The following AGPS variants were observed in gnomAD, a reference collection of about 807,000 sequenced individuals.
The protein encoded by AGPS is alkylglycerone phosphate synthase.
A neutral mutation model predicts 90.7 loss-of-function variants in AGPS; 26 were observed. The ratio of observed to expected loss-of-function variants is 0.29; its 90% CI spans 0.21 to 0.40. AGPS has a LOEUF of 0.40. AGPS is among the 10% of genes least tolerant of loss of function. The pLI, the probability that AGPS is intolerant of heterozygous loss-of-function variation, is 1.00. For missense variants in AGPS, 540 were observed against 816.1 expected (o/e 0.66, Z 4.12); for synonymous variants, 294 against 285.3 (o/e 1.03, Z -0.31).
intron 19 of AGPS, among the ~76,000 whole-genome samples, chr2:177,530,667 A>T (rs1033233060): frequency 1.3e-5 from 2 of 152,178 alleles, no homozygotes; most frequent in African/African-American, 4.8e-5. Context: ...GTGATTAATA[A>T]CAGTTGCTTT....
intron 19 of AGPS, among the ~76,000 whole-genome samples, chr2:177,526,439 A>G (rs556554355): frequency 6.6e-6 from 1 of 152,278 alleles, no homozygotes; most frequent in East Asian, 1.9e-4. Context: ...CATGTTGGCC[A>G]GGCTGGTCTC....
At chr2:177,510,311 C>T (rs973820220) in intron 16 of AGPS, among the ~76,000 whole-genome samples, 13 of 151,660 alleles carry the variant, frequency 8.6e-5, no homozygotes, top group Admixed American at 7.9e-4. Context: ...GAAAGCAAGC[C>T]CTCTCATATC....
intron 19 of AGPS, among the ~76,000 whole-genome samples, chr2:177,529,995 C>T (rs2079122777): frequency 6.6e-6 from 1 of 152,156 alleles, no homozygotes; most frequent in Admixed American, 6.5e-5. Context: ...TTAGTAAGTG[C>T]TTAAAAAACA....
intron 1 of AGPS, among the ~76,000 whole-genome samples, chr2:177,409,103 T>G (rs972068116): frequency 6.6e-6 from 1 of 152,212 alleles, no homozygotes; most frequent in African/African-American, 2.4e-5. Context: ...TCCATGGGTT[T>G]GCCGGAAGCA....
At chr2:177,409,994 C>T (rs997479540) in intron 1 of AGPS, among the ~76,000 whole-genome samples, 18 of 152,154 alleles carry the variant, frequency 1.2e-4, no homozygotes, top group African/African-American at 3.6e-4. Context: ...GCTATCAATG[C>T]CTAAATGAAA....
At chr2:177,502,721 G>A (rs1688597421) in intron 14 of AGPS, among the ~76,000 whole-genome samples, 1 of 152,096 alleles carries the variant, frequency 6.6e-6, no homozygotes, top group Non-Finnish European at 1.5e-5. Flanking sequence ...ATGAGCCACT[G>A]CGCCTGGCCT....
intron 5 of AGPS, among the ~76,000 whole-genome samples, chr2:177,440,295 G>A (rs765034767): frequency 2.0e-5 from 3 of 152,038 alleles, no homozygotes; most frequent in Non-Finnish European, 4.4e-5. Context: ...ACCAAATGCT[G>A]TATTAATAAG....
At chr2:177,438,882 G>A (rs1018605538) in intron 5 of AGPS, among the ~76,000 whole-genome samples, 1 of 152,104 alleles carries the variant, frequency 6.6e-6, no homozygotes, top group Non-Finnish European at 1.5e-5. Flanking sequence ...TGGCGATGAA[G>A]TCCAAGTTTT....
At chr2:177,513,519 T>C (rs932789304) in intron 16 of AGPS, among the ~76,000 whole-genome samples, 2 of 152,186 alleles carry the variant, frequency 1.3e-5, no homozygotes, top group Non-Finnish European at 2.9e-5. Context: ...TATAATCAAA[T>C]TGATTTTGAA....
At chr2:177,451,285 C>A (rs1686943133) in intron 8 of AGPS, among the ~76,000 whole-genome samples, 2 of 152,048 alleles carry the variant, frequency 1.3e-5, no homozygotes, top group African/African-American at 4.8e-5. Context: ...GGATTTGTCC[C>A]TAAGTAGTAC....
intron 2 of AGPS, among the ~76,000 whole-genome samples, chr2:177,427,009 G>A (rs1297369632): frequency 6.6e-6 from 1 of 152,082 alleles, no homozygotes; most frequent in African/African-American, 2.4e-5. Flanking sequence ...TTTTTGGTTG[G>A]CAGGCTATTA....
chr2:177,405,673 GTT>G (rs56860445), intron 1 of AGPS, among the ~76,000 whole-genome samples: 1 of 144,942 alleles, frequency 6.9e-6, no homozygotes. Context: ...CTATTCTGTT[GTT>G]TTTTTTTTTT....
At chr2:177,472,524 C>T (rs541969333) in intron 10 of AGPS, among the ~76,000 whole-genome samples, 3 of 152,016 alleles carry the variant, frequency 2.0e-5, no homozygotes, top group East Asian at 3.9e-4. Flanking sequence ...TCTTCAGGAT[C>T]GTGGCTGGTT....
At chr2:177,461,461 G>A (rs536994276) in intron 8 of AGPS, among the ~76,000 whole-genome samples, 1 of 152,316 alleles carries the variant, frequency 6.6e-6, no homozygotes, top group African/African-American at 2.4e-5. Flanking sequence ...TATTACATTA[G>A]GGTAGAGAGA....
At chr2:177,453,443 A>G (rs577998699) in intron 8 of AGPS, among the ~76,000 whole-genome samples, 11 of 151,542 alleles carry the variant, frequency 7.3e-5, no homozygotes, top group Non-Finnish European at 1.5e-4. Context: ...AGCTAATACT[A>G]TATTTTTAGT....
chr2:177,397,547 A>G (rs1407366614), intron 1 of AGPS, among the ~76,000 whole-genome samples: 1 of 151,356 alleles, frequency 6.6e-6, no homozygotes, highest in Admixed American at 6.6e-5. Flanking sequence ...ATTCTTCCAC[A>G]CTGCTAACCT....
chr2:177,411,047 T>C (rs930214254), intron 1 of AGPS, among the ~76,000 whole-genome samples: 1 of 152,180 alleles, frequency 6.6e-6, no homozygotes, highest in African/African-American at 2.4e-5. Flanking sequence ...CAAAGTCCGC[T>C]TACCTGAGGG....
At chr2:177,456,319 G>T (rs561447951) in intron 8 of AGPS, among the ~76,000 whole-genome samples, 2 of 152,300 alleles carry the variant, frequency 1.3e-5, no homozygotes, top group African/African-American at 4.8e-5. Context: ...AAATGTATAT[G>T]ATCTTAGATA....
chr2:177,397,127 TGG>T (rs1685202618), intron 1 of AGPS, among the ~76,000 whole-genome samples: 1 of 151,866 alleles, frequency 6.6e-6, no homozygotes. Flanking sequence ...TTAGTAGAGA[TGG>T]GGTTTCACCA....
Sources: allele counts gnomAD v4.1 joint callset (sites outside exome capture counted in the v4.1 genomes callset), GRCh38; gene constraint gnomAD v4.1.1; transcripts MANE v1.5; gene names NCBI Gene and HGNC (gene_info 2026-07-23, HGNC 2026-07-21).